The following CNTN3 variants were observed in gnomAD, a reference collection of about 807,000 sequenced individuals.
CNTN3 encodes contactin 3, also known as contactin-3.
Under a neutral mutation model 119.1 loss-of-function variants are expected in CNTN3, and 60 were observed. The observed-to-expected ratio is 0.50, with a 90% CI of 0.41 to 0.62. CNTN3 has a LOEUF of 0.62. Among genes scored for constraint, CNTN3 ranks in the 20% least tolerant of loss-of-function variants. The probability of loss-of-function intolerance (pLI) is 0.00; values close to 1 mark genes in which losing one functional copy is unlikely to be tolerated. For missense variants in CNTN3, 1,101 were observed against 1,242.4 expected (o/e 0.89, Z 1.71); for synonymous variants, 450 against 438.7 (o/e 1.03, Z -0.32).
chr3:74,614,610 G>A lies in CNTN3; in HGVS notation c.-300C>T, dbSNP rs1357781685. On this transcript the variant is annotated 5_prime_UTR_variant, in exon 1 of 23. Coordinates refer to ENST00000263665, the MANE Select transcript of CNTN3 (RefSeq NM_020872.3). ...CCCGCCCGCCGCTGCCACCGCCGCCGCCGCCAAGCGCCAGGCTGCTGTGGC... is the reference window on the plus strand; with the variant it reads ...CCCGCCCGCCGCTGCCACCGCCGCCACCGCCAAGCGCCAGGCTGCTGTGGC... 1.3e-5 allele frequency among the ~76,000 whole-genome samples: 2 copies of A among 149,270 alleles called. No individual in the cohort carries two copies. The highest frequency in any genetic ancestry group is 3.0e-5 in the Non-Finnish European group (2 of 66,918).
At chr3:74,356,297 A>G (rs1703932492) in intron 11 of CNTN3, among the ~76,000 whole-genome samples, 1 of 152,054 alleles carries the variant, frequency 6.6e-6, no homozygotes, top group Admixed American at 6.5e-5. Flanking sequence ...ATAGTAGCCC[A>G]AATGAACTAA....
chr3:74,597,013 A>G (rs895953470), intron 1 of CNTN3, among the ~76,000 whole-genome samples: 3 of 152,070 alleles, frequency 2.0e-5, no homozygotes, highest in African/African-American at 7.2e-5. Context: ...GTTCCTAATG[A>G]CACTGGCAAG....
At chr3:74,560,329 T>C (rs1273844120) in intron 1 of CNTN3, among the ~76,000 whole-genome samples, 1 of 152,214 alleles carries the variant, frequency 6.6e-6, no homozygotes, top group South Asian at 2.1e-4. Flanking sequence ...ATGGATGTTG[T>C]TGTTATTGAT....
intron 2 of CNTN3, among the ~76,000 whole-genome samples, chr3:74,511,221 T>C (rs1703358034): frequency 6.6e-6 from 1 of 152,126 alleles, no homozygotes; most frequent in Non-Finnish European, 1.5e-5. Flanking sequence ...GGTCTAGCAA[T>C]CTTCAATTCA....
chr3:74,342,193 C>G (rs1270368444), intron 11 of CNTN3, among the ~76,000 whole-genome samples: 2 of 151,964 alleles, frequency 1.3e-5, no homozygotes, highest in Non-Finnish European at 2.9e-5. Context: ...AGAAAAAGAC[C>G]ATAGAGTATA....
At chr3:74,402,931 G>A (rs532573715) in intron 5 of CNTN3, among the ~76,000 whole-genome samples, 1 of 152,298 alleles carries the variant, frequency 6.6e-6, no homozygotes, top group South Asian at 2.1e-4. Flanking sequence ...ACTGGGCATG[G>A]TGCTCTGAGT....
chr3:74,496,687 A>G (rs1428295206), intron 3 of CNTN3, among the ~76,000 whole-genome samples: 1 of 152,094 alleles, frequency 6.6e-6, no homozygotes, highest in African/African-American at 2.4e-5. Flanking sequence ...TAGAAAAAGT[A>G]TTAATACTTC....
In CNTN3 at chr3:74,303,408, G is replaced by T. The variant is rs59863043; in HGVS notation, c.1669-601C>A. On this transcript the variant is annotated intron_variant, in intron 13 of 22. Transcript: ENST00000263665. Reference sequence around the variant, plus strand: ...AACATTTTAAACCTTAAAAATAACAGCTAGCCGGGCACGGTGGCTCAAGTC... The same window carrying T: ...AACATTTTAAACCTTAAAAATAACATCTAGCCGGGCACGGTGGCTCAAGTC... Among the ~76,000 whole-genome samples the T allele has an allele frequency of 2.7e-3, 413 of 152,200 alleles. 2 individuals carry two copies. The highest frequency in any genetic ancestry group is 9.5e-3 in the African/African-American group (393 of 41,542).
chr3:74,331,276 C>A (rs1450348943), intron 13 of CNTN3, among the ~76,000 whole-genome samples: 2 of 152,162 alleles, frequency 1.3e-5, no homozygotes, highest in Non-Finnish European at 2.9e-5. Context: ...CACACAAATA[C>A]TTGCCATTCT....
At chr3:74,471,305 G>A (rs1236353229) in intron 4 of CNTN3, among the ~76,000 whole-genome samples, 2 of 151,938 alleles carry the variant, frequency 1.3e-5, no homozygotes, top group African/African-American at 4.8e-5. Flanking sequence ...TAACAATACT[G>A]CATGTTCTTC....
chr3:74,354,785 G>A (rs984222497), intron 11 of CNTN3, among the ~76,000 whole-genome samples: 14 of 151,994 alleles, frequency 9.2e-5, no homozygotes, highest in African/African-American at 3.1e-4. Context: ...TAATTATGAC[G>A]TTTAGAATAG....
At chr3:74,401,278 T>A (rs1321688833) in intron 5 of CNTN3, among the ~76,000 whole-genome samples, 3 of 152,176 alleles carry the variant, frequency 2.0e-5, no homozygotes, top group African/African-American at 7.2e-5. Context: ...CCAAGATTTT[T>A]AAATGTTCAT....
At chr3:74,374,348 C>A (rs867854504) in intron 5 of CNTN3, among the ~76,000 whole-genome samples, 2 of 151,662 alleles carry the variant, frequency 1.3e-5, no homozygotes, top group African/African-American at 2.4e-5. Flanking sequence ...TTAGTCCCAT[C>A]TTGGTGTATG....
intron 4 of CNTN3, among the ~76,000 whole-genome samples, chr3:74,460,458 C>A (rs1407532093): frequency 6.6e-6 from 1 of 151,720 alleles, no homozygotes; most frequent in Non-Finnish European, 1.5e-5. Flanking sequence ...TCTTTGATTT[C>A]TTTTGTCAGC....
chr3:74,332,708 C>T (rs1371443687), intron 13 of CNTN3, among the ~76,000 whole-genome samples: 4 of 152,274 alleles, frequency 2.6e-5, no homozygotes, highest in East Asian at 1.9e-4. Flanking sequence ...ACAGAGGAAC[C>T]GTATTGGATA....
At chr3:74,365,517 G>A (rs768915477) in intron 9 of CNTN3, 49 bp downstream of exon 9, 4 of 1,608,576 alleles carry the variant, frequency 2.5e-6, no homozygotes, top group African/African-American at 2.7e-5. Flanking sequence ...GTGAGGAAAG[G>A]GTGGATTTAC....
intron 4 of CNTN3, among the ~76,000 whole-genome samples, chr3:74,427,419 T>G (rs1701713261): frequency 6.6e-6 from 1 of 152,194 alleles, no homozygotes; most frequent in South Asian, 2.1e-4. Flanking sequence ...AGAACATACA[T>G]GTTACAGTCA....
chr3:74,343,952 A>G (rs1703612064), intron 11 of CNTN3, among the ~76,000 whole-genome samples: 1 of 152,234 alleles, frequency 6.6e-6, no homozygotes, highest in African/African-American at 2.4e-5. Context: ...CAAAAAGACC[A>G]AAATAATCAT....
intron 4 of CNTN3, among the ~76,000 whole-genome samples, chr3:74,461,989 C>T (rs933196691): frequency 2.1e-4 from 32 of 151,984 alleles, no homozygotes; most frequent in African/African-American, 6.3e-4. Flanking sequence ...GGAGGTGGGG[C>T]CTGGTGGGAG....
Sources: gnomAD v4.1 joint callset for allele counts (sites outside exome capture counted in the v4.1 genomes callset) on GRCh38, gnomAD v4.1.1 for gene constraint, MANE v1.5 for transcripts, NCBI Gene and HGNC (gene_info 2026-07-23, HGNC 2026-07-21) for gene names.